The following ZNF570 variants were observed in gnomAD, a reference collection of about 807,000 sequenced individuals.
ZNF570 encodes the protein zinc finger protein 570.
ZNF570 carries 8 observed loss-of-function variants against 14.2 expected under a neutral mutation model. The ratio of observed to expected loss-of-function variants is 0.56; its 90% CI spans 0.33 to 1.02. The LOEUF is 1.02. Among genes scored for constraint, ZNF570 ranks in the 50% least tolerant of loss-of-function variants. The pLI, the probability that ZNF570 is intolerant of heterozygous loss-of-function variation, is 0.03. For missense variants in ZNF570, 559 were observed against 624.9 expected (o/e 0.89, Z 1.12); for synonymous variants, 202 against 207.6 (o/e 0.97, Z 0.23).
chr19:37,477,181 C>T (rs2042035277), intron 4 of ZNF570, among the ~76,000 whole-genome samples: 1 of 151,914 alleles, frequency 6.6e-6, no homozygotes, highest in Non-Finnish European at 1.5e-5. Flanking sequence ...GAAACCCCCA[C>T]ATTCAGTCAC....
intron 2 of ZNF570, 39 bp from the exon 3 acceptor site, chr19:37,475,842 A>G (rs1454082008): frequency 1.9e-6 from 3 of 1,585,094 alleles, no homozygotes; most frequent in Non-Finnish European, 1.7e-6. Flanking sequence ...TGAGGTGAAT[A>G]TGGTAAGAGA....
At chr19:37,483,354 A>G (rs2042108818) in intron 4 of ZNF570, among the ~76,000 whole-genome samples, 1 of 152,184 alleles carries the variant, frequency 6.6e-6, no homozygotes, top group South Asian at 2.1e-4. Context: ...ATCAGTATCC[A>G]TGACATCCCC....
At chr19:37,468,009 A>G (rs1177199050), upstream of ZNF570, 3 of 1,392,206 alleles carry the variant, frequency 2.2e-6, no homozygotes, top group Admixed American at 2.0e-5. Flanking sequence ...ACTTCTAAAC[A>G]GACTTGGCCT....
chr19:37,482,534 G>A (rs997381665), intron 4 of ZNF570, among the ~76,000 whole-genome samples: 3 of 152,128 alleles, frequency 2.0e-5, no homozygotes, highest in Non-Finnish European at 2.9e-5. Context: ...CATTCGTGAG[G>A]ACTCCACCCC....
At chr19:37,483,225 G>A (rs1703069493) in intron 4 of ZNF570, among the ~76,000 whole-genome samples, 1 of 152,092 alleles carries the variant, frequency 6.6e-6, no homozygotes, top group South Asian at 2.1e-4. Context: ...CTTTGAACCA[G>A]CTGCTGCCTC....
Position 37,485,561 on chromosome 19 carries a change from AT to A in ZNF570, c.*329del, listed in dbSNP as rs1163583211. 1 of 212,278 alleles carries A rather than the reference AT, an allele frequency of 4.7e-6. No individual in the cohort carries two copies. Among genetic ancestry groups the A allele is most frequent in the Non-Finnish European group, 9.3e-6 (1 of 106,954 alleles). The allele number at this position is 212,278 out of a possible 1,614,324, so 13.1% of individuals were successfully genotyped here. A position where few individuals can be genotyped will look rare whatever the true frequency, so the allele number is the denominator to read the frequency against. ...ATCAGCCTCCCGAGTAGCTGGGACT[AT>A]AGACATGCACCACCATGCCTGGCTA... On this transcript the variant is annotated 3_prime_UTR_variant, in exon 5 of 5. Transcript: ENST00000330173.
Position 37,485,223 on chromosome 19 carries a change from A to G in ZNF570, c.1601A>G (p.Gln534Arg), listed in dbSNP as rs1011360312. 3 of 1,547,386 alleles carry G rather than the reference A, an allele frequency of 1.9e-6. No homozygotes were observed. The African/African-American group carries it at 4.1e-5, about 21-fold the overall frequency. The change falls in exon 5 of 5, where the codon CAA (glutamine) becomes CGA (arginine). Residue 534 changes from glutamine to arginine, a missense_variant. Transcript: ENST00000330173. ...SLSPPNPVNH[Q>R]VL ...TCACCACCCAACCCAGTCAATCACC[A>G]AGTCCTATAGATCCTGAGTCCTAAA...
intron 4 of ZNF570, among the ~76,000 whole-genome samples, chr19:37,483,538 T>C (rs1434094488): frequency 6.6e-6 from 1 of 152,236 alleles, no homozygotes; most frequent in East Asian, 1.9e-4. Flanking sequence ...TAAATATTTG[T>C]TCAGTGAATG....
In ZNF570 at chr19:37,469,759, C is replaced by G. The variant is rs889597183; in HGVS notation, c.-52+202C>G. 3 of 623,924 alleles carry G rather than the reference C, an allele frequency of 4.8e-6. No individual in the cohort carries two copies. The Admixed American group carries it at 8.3e-5, about 17-fold the overall frequency. 38.6% of individuals were successfully genotyped at this position (623,924 alleles called of 1,614,324 possible). On this transcript the variant is annotated intron_variant, in intron 1 of 4. Transcript: ENST00000330173. ...TGAGATTGTCGCTTGTGATAGATACCCTGGTGGCTGAGCCTTGCCGGTATG... is the reference window on the plus strand; with the variant it reads ...TGAGATTGTCGCTTGTGATAGATACGCTGGTGGCTGAGCCTTGCCGGTATG...
At chr19:37,470,695 C>CTTTTTTTT (rs760686313) in intron 2 of ZNF570, among the ~76,000 whole-genome samples, 29 of 93,010 alleles carry the variant, frequency 3.1e-4, no homozygotes, top group African/African-American at 4.2e-4. Context: ...CTTATTTATT[C>CTTTTTTTT]TTTTTTTTTT....
rs1292358132 is a variant in ZNF570, at chr19:37,486,819, C to T, written c.*1586C>T. On this transcript the variant is annotated 3_prime_UTR_variant, in exon 5 of 5. Coordinates refer to ENST00000330173, the MANE Select transcript of ZNF570 (RefSeq NM_144694.5). ...AGAATTCACTGGGAAGAATGCAGAA[C>T]CTACATTTAAATCAAGGAAGGAATA... 1 of 152,030 alleles carries T rather than the reference C, an allele frequency of 6.6e-6. No individual in the cohort carries two copies. Among genetic ancestry groups the T allele is most frequent in the African/African-American group, 2.4e-5 (1 of 41,386 alleles). 9.4% of individuals were successfully genotyped at this position (152,030 alleles called of 1,614,324 possible). A position where few individuals can be genotyped will look rare whatever the true frequency, so the allele number is the denominator to read the frequency against.
At position 37,469,501 on chromosome 19, in the gene ZNF570, G is replaced by T. The variant is rs770929341; in HGVS notation, c.-108G>T. On this transcript the variant is annotated 5_prime_UTR_variant, in exon 1 of 5. Coordinates refer to ENST00000330173, the MANE Select transcript of ZNF570 (RefSeq NM_144694.5). ...GGTCGGGAGTGGGCTGAGGAGTGGCGTGTGGGTCTCCGGAAGCTCGTCGCA... is the reference window on the plus strand; with the variant it reads ...GGTCGGGAGTGGGCTGAGGAGTGGCTTGTGGGTCTCCGGAAGCTCGTCGCA... 3 of 1,536,494 alleles carry T rather than the reference G, an allele frequency of 2.0e-6. No individual in the cohort carries two copies. The Middle Eastern group carries it at 5.0e-4, about 257-fold the overall frequency.
intron 4 of ZNF570, among the ~76,000 whole-genome samples, chr19:37,476,866 C>T (rs918850605): frequency 1.3e-5 from 2 of 152,008 alleles, no homozygotes; most frequent in African/African-American, 4.8e-5. Context: ...CATGCCACCA[C>T]GCCCAGCTAA....
chr19:37,477,293 G>C (rs1353549027), intron 4 of ZNF570, among the ~76,000 whole-genome samples: 1 of 108,080 alleles, frequency 9.3e-6, no homozygotes, highest in Admixed American at 9.5e-5. Context: ...GTTGTCGTGT[G>C]TGTGTGTGTG....
chr19:37,468,710 G>C (rs2041895649), upstream of ZNF570, among the ~76,000 whole-genome samples: 2 of 152,170 alleles, frequency 1.3e-5, no homozygotes. Flanking sequence ...GTTTCACCAT[G>C]TTGGTCAGGC....
At chr19:37,479,515 CTG>C (rs1437332557) in intron 4 of ZNF570, among the ~76,000 whole-genome samples, 8 of 152,082 alleles carry the variant, frequency 5.3e-5, no homozygotes, top group Non-Finnish European at 1.2e-4. Flanking sequence ...AGCTCATTAA[CTG>C]TGCTGGTCAA....
At chr19:37,467,998 G>A (rs1219648371), upstream of ZNF570, 1 of 1,476,858 alleles carries the variant, frequency 6.8e-7, no homozygotes, top group Non-Finnish European at 9.1e-7. Context: ...CAGACCGCCT[G>A]ACTTCTAAAC....
chr19:37,484,326 T>G lies in ZNF570; in HGVS notation c.704T>G (p.Leu235Arg). ...TTCAGCCAGAGTTCATCCCTTACTC[T>G]TCATCAAAGAATTCATACTGGAGAG... ...KVFSQSSSLT[L>R]HQRIHTGEKP... is the part of the protein sequence containing the mutation. Residue 235 changes from leucine (L) to arginine (R), a missense_variant, in exon 5 of 5, where the codon CTT (leucine) becomes CGT (arginine). Coordinates refer to ENST00000330173, the MANE Select transcript of ZNF570 (RefSeq NM_144694.5). 6.2e-7 allele frequency: 1 copy of G among 1,613,876 alleles called. No individual in the cohort carries two copies. Among genetic ancestry groups the G allele is most frequent in the Non-Finnish European group, 8.5e-7 (1 of 1,179,962 alleles).
At chr19:37,476,257 C>A (rs1228452046) in intron 3 of ZNF570, 82 bp from the exon 4 acceptor site, 3 of 1,510,930 alleles carry the variant, frequency 2.0e-6, no homozygotes, top group East Asian at 4.6e-5. Flanking sequence ...ACTCCCTTTT[C>A]CCTGATGAGC....
Sources: allele counts gnomAD v4.1 joint callset (sites outside exome capture counted in the v4.1 genomes callset), GRCh38; gene constraint gnomAD v4.1.1; transcripts MANE v1.5; gene names NCBI Gene and HGNC (gene_info 2026-07-23, HGNC 2026-07-21).